Variants in AMMECR1 observed in about 807,000 individuals in gnomAD.
AMMECR1 encodes the protein AMMECR nuclear protein 1, also known as nuclear protein AMMECR1.
Under a neutral mutation model 22.5 loss-of-function variants are expected in AMMECR1, and 3 were observed. The observed-to-expected ratio is 0.13, with a 90% CI of 0.06 to 0.35. The LOEUF is 0.35. Among genes scored for constraint, AMMECR1 ranks in the 10% least tolerant of loss-of-function variants. AMMECR1 has a pLI of 1.00. For missense variants in AMMECR1, 235 were observed against 278.7 expected (o/e 0.84, Z 1.12); for synonymous variants, 130 against 116.7 (o/e 1.11, Z -0.74).
At chrX:110,393,989 C>T (rs897132124) in intron 2 of AMMECR1, among the ~76,000 whole-genome samples, 1 of 112,473 alleles carries the variant, frequency 8.9e-6, no homozygotes, top group Admixed American at 9.3e-5. Context: ...GCTCAATGAG[C>T]GCTTTTGTGA....
intron 2 of AMMECR1, among the ~76,000 whole-genome samples, chrX:110,404,130 GTT>G (rs919568894): frequency 1.8e-5 from 2 of 112,479 alleles, no homozygotes; most frequent in Non-Finnish European, 3.8e-5. Flanking sequence ...GCTACCATTC[GTT>G]TATTCTGTGC....
At chrX:110,375,529 G>A (rs747547020) in intron 2 of AMMECR1, among the ~76,000 whole-genome samples, 18 of 104,983 alleles carry the variant, frequency 1.7e-4, no homozygotes, top group Non-Finnish European at 3.2e-4. Flanking sequence ...GTAAATATTG[G>A]ATGAATAGAT....
chrX:110,419,871 A>T (rs956273258), intron 2 of AMMECR1, among the ~76,000 whole-genome samples: 1 of 112,410 alleles, frequency 8.9e-6, no homozygotes, highest in Non-Finnish European at 1.9e-5. Flanking sequence ...TTTATTGGGT[A>T]TTTACTATGT....
At chrX:110,384,468 T>A (rs977869880) in intron 2 of AMMECR1, among the ~76,000 whole-genome samples, 3 of 111,870 alleles carry the variant, frequency 2.7e-5, no homozygotes, top group Non-Finnish European at 3.8e-5. Context: ...ACCTAGCACA[T>A]AATAACATAA....
intron 2 of AMMECR1, among the ~76,000 whole-genome samples, chrX:110,410,247 A>G (rs1463117118): frequency 9.0e-6 from 1 of 111,358 alleles, no homozygotes; most frequent in Non-Finnish European, 1.9e-5. Flanking sequence ...TTAGTGTGGG[A>G]AGAAGGACCT....
chrX:110,281,139 A>C (rs1360296470), intron 1 of AMMECR1, among the ~76,000 whole-genome samples: 1 of 112,462 alleles, frequency 8.9e-6, no homozygotes, highest in Admixed American at 9.4e-5. Context: ...AAATGTTCTC[A>C]TTGTTAAACC....
At chrX:110,315,116 G>A (rs1456389003) in intron 1 of AMMECR1, among the ~76,000 whole-genome samples, 1 of 111,886 alleles carries the variant, frequency 8.9e-6, no homozygotes, top group African/African-American at 3.2e-5. Context: ...ATGGCACTTA[G>A]GATAAAGCAA....
chrX:110,206,878 T>A (rs182599508), intron 3 of AMMECR1, among the ~76,000 whole-genome samples: 1 of 112,272 alleles, frequency 8.9e-6, no homozygotes, highest in East Asian at 2.8e-4. Flanking sequence ...TTCATCTGAA[T>A]AGCATAAGAA....
At chrX:110,313,591 A>C (rs1033685087) in intron 1 of AMMECR1, among the ~76,000 whole-genome samples, 2 of 112,368 alleles carry the variant, frequency 1.8e-5, no homozygotes, top group African/African-American at 6.5e-5. Context: ...TTTTATGGGA[A>C]CAAAGGGGGC....
chrX:110,340,813 T>G (rs2068161457), intron 2 of AMMECR1, among the ~76,000 whole-genome samples: 1 of 112,521 alleles, frequency 8.9e-6, no homozygotes, highest in Non-Finnish European at 1.9e-5. Context: ...TGAGCAGCAC[T>G]GATTTTGCCT....
chrX:110,199,600 T>G (rs375203842), intron 5 of AMMECR1, among the ~76,000 whole-genome samples: 2 of 111,293 alleles, frequency 1.8e-5, no homozygotes, highest in South Asian at 7.5e-4. Context: ...AGGGATTACC[T>G]TGGTCCCTTT....
At chrX:110,321,550 T>C (rs1297270417), upstream of AMMECR1, among the ~76,000 whole-genome samples, 1 of 111,987 alleles carries the variant, frequency 8.9e-6, no homozygotes, top group Non-Finnish European at 1.9e-5. Context: ...AGCTAGTAAT[T>C]GAATTAAACC....
intron 2 of AMMECR1, among the ~76,000 whole-genome samples, chrX:110,373,148 C>T (rs182190051): frequency 6.3e-5 from 7 of 111,621 alleles, no homozygotes; most frequent in African/African-American, 1.3e-4. Context: ...AAGTAACTTG[C>T]GCAGCTAGGA....
upstream of AMMECR1, among the ~76,000 whole-genome samples, chrX:110,320,000 A>C (rs1307881996): frequency 8.9e-6 from 1 of 112,382 alleles, no homozygotes; most frequent in Non-Finnish European, 1.9e-5. Flanking sequence ...TTCCAAAAAG[A>C]TTTTATGAGA....
chrX:110,422,080 C>T (rs987110212), intron 2 of AMMECR1, among the ~76,000 whole-genome samples: 1 of 113,158 alleles, frequency 8.8e-6, no homozygotes, highest in Admixed American at 9.3e-5. Flanking sequence ...GGGGCTCTGG[C>T]TGGGATCAAA....
chrX:110,405,093 C>CT (rs965088651), intron 2 of AMMECR1, among the ~76,000 whole-genome samples: 1 of 99,477 alleles, frequency 1.0e-5, no homozygotes, highest in African/African-American at 3.7e-5. Flanking sequence ...TTGTGTCCCC[C>CT]CCCCCCCCAA....
chrX:110,436,876 C>A (rs1406587932), intron 1 of AMMECR1, among the ~76,000 whole-genome samples: 1 of 111,647 alleles, frequency 9.0e-6, no homozygotes, highest in Non-Finnish European at 1.9e-5. Flanking sequence ...CAGAGTGATG[C>A]CATAGCTGCA....
At chrX:110,336,381 A>AT (rs917420362) in intron 2 of AMMECR1, among the ~76,000 whole-genome samples, 1 of 110,611 alleles carries the variant, frequency 9.0e-6, no homozygotes, top group Non-Finnish European at 1.9e-5. Flanking sequence ...TTTGATGTGT[A>AT]TTTTTTTAAA....
chrX:110,202,222 T>C (rs1247163639), intron 4 of AMMECR1, among the ~76,000 whole-genome samples: 1 of 112,380 alleles, frequency 8.9e-6, no homozygotes, highest in African/African-American at 3.2e-5. Flanking sequence ...TTAAAAAATA[T>C]ACACTTATGG....
Sources: gnomAD v4.1 joint callset for allele counts (sites outside exome capture counted in the v4.1 genomes callset) on GRCh38, gnomAD v4.1.1 for gene constraint, MANE v1.5 for transcripts, NCBI Gene and HGNC (gene_info 2026-07-23, HGNC 2026-07-21) for gene names.